BCL2L14: variants seen among roughly 807,000 people sequenced by gnomAD.
The protein encoded by BCL2L14 is apoptosis facilitator Bcl-2-like protein 14.
Under a neutral mutation model 35.3 loss-of-function variants are expected in BCL2L14, and 27 were observed. The ratio of observed to expected loss-of-function variants is 0.76; its 90% CI spans 0.56 to 1.05. The LOEUF is 1.05. Ranked by LOEUF, BCL2L14 falls within the 50% of genes least tolerant of loss-of-function variation. The pLI, the probability that BCL2L14 is intolerant of heterozygous loss-of-function variation, is 0.00. For missense variants in BCL2L14, 377 were observed against 382.6 expected (o/e 0.99, Z 0.12); for synonymous variants, 139 against 145.9 (o/e 0.95, Z 0.34).
chr12:12,075,137 T>G (rs1223974465), intron 1 of BCL2L14, among the ~76,000 whole-genome samples: 1 of 152,152 alleles, frequency 6.6e-6, no homozygotes, highest in Non-Finnish European at 1.5e-5. Context: ...ATTTATTTAT[T>G]TTTGAGACAG....
chr12:12,071,777 A>C (rs1948673406), intron 1 of BCL2L14: 1 of 152,106 alleles, frequency 6.6e-6, no homozygotes, highest in African/African-American at 2.4e-5. Flanking sequence ...ATATGACCTG[A>C]GGCTCTGTCT....
chr12:12,090,640 AAAAAAT>A, intron 3 of BCL2L14, 133 bp from the exon 4 acceptor site: 5 of 581,188 alleles, frequency 8.6e-6, no homozygotes, highest in Non-Finnish European at 1.1e-5. Context: ...TCTAAAAAAT[AAAAAAT>A]AAAAAAAAAA....
rs549201872 is a variant in BCL2L14, at chr12:12,099,097, C to T, written c.*109C>T. 113 of 801,892 alleles carry T rather than the reference C, an allele frequency of 1.4e-4. 4 individuals are homozygous for T. The highest frequency in any genetic ancestry group is 3.2e-4 in the South Asian group (21 of 65,644). 49.7% of individuals were successfully genotyped at this position (801,892 alleles called of 1,614,324 possible). On this transcript the variant is annotated 3_prime_UTR_variant, in exon 6 of 6. Coordinates refer to ENST00000308721, the MANE Select transcript of BCL2L14 (RefSeq NM_138723.2). ...ACGTACAAGGCAGATGGAGCATTGA[C>T]GTTTTCAAAACCATTATTCCTGTGA...
chr12:12,096,018 T>A (rs1949305357), intron 5 of BCL2L14: 1 of 985,250 alleles, frequency 1.0e-6, no homozygotes, highest in Admixed American at 6.2e-5. Context: ...TAGTTCTACC[T>A]ATTCTTCTTT....
chr12:12,096,052 C>T (rs1303114971), intron 5 of BCL2L14: 1 of 985,210 alleles, frequency 1.0e-6, no homozygotes, highest in Admixed American at 6.2e-5. Context: ...ACCCCAACAA[C>T]CCCCTTGAGC....
chr12:12,078,978 G>A (rs1331838176), intron 1 of BCL2L14, among the ~76,000 whole-genome samples: 1 of 152,110 alleles, frequency 6.6e-6, no homozygotes, highest in Non-Finnish European at 1.5e-5. Flanking sequence ...TGTATCTTTA[G>A]TAGAGACGGG....
chr12:12,078,053 A>C, intron 1 of BCL2L14: 1 of 383,176 alleles, frequency 2.6e-6, no homozygotes, highest in Middle Eastern at 4.6e-4. Context: ...ATAAAGAAGA[A>C]ATGCTTGCAT....
chr12:12,065,895 G>A (rs551391355), intron 2 of BCL2L14, among the ~76,000 whole-genome samples: 8 of 151,786 alleles, frequency 5.3e-5, no homozygotes, highest in South Asian at 4.2e-4. Flanking sequence ...AGGTTCAAGC[G>A]TTCTCCTGCC....
intron 2 of BCL2L14, among the ~76,000 whole-genome samples, chr12:12,059,236 G>A (rs1361579963): frequency 6.6e-6 from 1 of 151,782 alleles, no homozygotes; most frequent in Non-Finnish European, 1.5e-5. Flanking sequence ...TTAGCGGCAA[G>A]TCCCGCTTTT....
At chr12:12,096,600 A>T (rs1949317711) in intron 5 of BCL2L14, among the ~76,000 whole-genome samples, 1 of 152,224 alleles carries the variant, frequency 6.6e-6, no homozygotes, top group Non-Finnish European at 1.5e-5. Flanking sequence ...TTCTCCAAAG[A>T]ATATATATAA....
At chr12:12,077,352 G>A (rs1948804119) in intron 1 of BCL2L14, among the ~76,000 whole-genome samples, 1 of 151,930 alleles carries the variant, frequency 6.6e-6, no homozygotes, top group African/African-American at 2.4e-5. Flanking sequence ...CACCAGACTG[G>A]GCAACATAGC....
chr12:12,094,800 C>T lies in BCL2L14; in HGVS notation c.815C>T (p.Ala272Val). The change falls in exon 5 of 6, where the codon GCT becomes GTT. Residue 272 changes from alanine (A) to valine (V), a missense_variant. By Grantham distance (64) the Ala-to-Val change is moderately conservative. Transcript: ENST00000308721. ...GAGGTCAAAGCTCAGGGCTTTAAGG[C>T]TGCCCTTGTAATAGACGTCACGGCC... ...ESEVKAQGFK[A>V]ALVIDVTAKL... 1 of 1,614,218 alleles carries T rather than the reference C, an allele frequency of 6.2e-7. No homozygotes were observed. Among genetic ancestry groups the T allele is most frequent in the Non-Finnish European group, 8.5e-7 (1 of 1,180,036 alleles).
At chr12:12,079,148 G>T (rs902306408) in intron 1 of BCL2L14, 151 bp from the exon 2 acceptor site, 12 of 662,594 alleles carry the variant, frequency 1.8e-5, no homozygotes, top group Non-Finnish European at 2.3e-5. Context: ...TCCCACCCTA[G>T]TAAGACTGTG....
At chr12:12,088,151 C>T (rs1949089248) in intron 3 of BCL2L14, among the ~76,000 whole-genome samples, 2 of 152,108 alleles carry the variant, frequency 1.3e-5, no homozygotes, top group South Asian at 4.1e-4. Flanking sequence ...GTGAGTTTAG[C>T]GGCAGAGGTT....
chr12:12,080,136 C>T (rs1014306480), intron 2 of BCL2L14, among the ~76,000 whole-genome samples: 4 of 150,900 alleles, frequency 2.7e-5, no homozygotes, highest in Admixed American at 1.3e-4. Flanking sequence ...ACCCAGCAGG[C>T]GGAGCTTGCA....
Position 12,082,089 on chromosome 12 carries a change from C to T in BCL2L14, c.433+2351C>T, listed in dbSNP as rs1948941201. 2.0e-5 allele frequency among the ~76,000 whole-genome samples: 3 copies of T among 152,178 alleles called. No homozygotes were observed. The South Asian group carries it at 6.2e-4, about 32-fold the overall frequency. ...TGTTTAGAACAGTGGGAGTTATGGT[C>T]AGGATCATCTGAGGGAACCTCATGG... On this transcript the variant is annotated intron_variant, in intron 2 of 5. Transcript: ENST00000308721.
At chr12:12,097,032 T>C (rs2136787869) in intron 5 of BCL2L14, among the ~76,000 whole-genome samples, 1 of 152,182 alleles carries the variant, frequency 6.6e-6, no homozygotes, top group East Asian at 1.9e-4. Flanking sequence ...TAGTCCCAGC[T>C]ACTCAGGGGG....
At chr12:12,092,518 G>A (rs756791733) in intron 4 of BCL2L14, among the ~76,000 whole-genome samples, 5 of 152,148 alleles carry the variant, frequency 3.3e-5, no homozygotes, top group Admixed American at 1.3e-4. Flanking sequence ...CACACAGCCC[G>A]AAGGCCCATC....
chr12:12,057,093 A>G (rs187907686), intron 2 of BCL2L14, among the ~76,000 whole-genome samples: 4 of 152,376 alleles, frequency 2.6e-5, no homozygotes, highest in Admixed American at 2.0e-4. Flanking sequence ...TCAAAGGAGA[A>G]AACTCCAACT....
Sources: allele counts gnomAD v4.1 joint callset (sites outside exome capture counted in the v4.1 genomes callset), GRCh38; gene constraint gnomAD v4.1.1; transcripts MANE v1.5; gene names NCBI Gene and HGNC (gene_info 2026-07-23, HGNC 2026-07-21).